RREB1: variants seen among roughly 807,000 people sequenced by gnomAD.
RREB1 encodes ras-responsive element-binding protein 1.
In RREB1, 27 loss-of-function variants were observed where a neutral mutation model predicts 117.8. That is an observed-to-expected ratio of 0.23 (90% confidence interval 0.17 to 0.32). The LOEUF is 0.32. RREB1 is among the 10% of genes least tolerant of loss of function. The pLI is 1.00. For missense variants in RREB1, 2,577 were observed against 2,378.2 expected (o/e 1.08, Z -1.74); for synonymous variants, 1,298 against 1,026.7 (o/e 1.26, Z -5.05).
rs540647920 is a variant in RREB1 at position 7,249,684 on chromosome 6, A to C, written c.*716A>C. 3.3e-5 allele frequency: 5 copies of C among 152,256 alleles called. No homozygotes were observed. In the East Asian group the frequency reaches 7.7e-4, roughly 23 times the overall value. 9.4% of individuals were successfully genotyped at this position (152,256 alleles called of 1,614,324 possible). On this transcript the variant is annotated 3_prime_UTR_variant, in exon 13 of 13. Coordinates refer to ENST00000379938, the MANE Select transcript of RREB1 (RefSeq NM_001003699.4). ...ATGGTCACTGTTCAAGTTTCAAGACATCCATTCTTAACTATAGAGAAGAGT... is the reference window on the plus strand; with the variant it reads ...ATGGTCACTGTTCAAGTTTCAAGACCTCCATTCTTAACTATAGAGAAGAGT...
In RREB1 at chr6:7,230,142, C is replaced by G. The variant is rs1311213263; in HGVS notation, c.2043C>G (p.Ala681=). 6.2e-7 allele frequency: 1 copy of G among 1,604,940 alleles called. No individual in the cohort carries two copies. Among genetic ancestry groups the G allele is most frequent in the Admixed American group, 1.7e-5 (1 of 59,830 alleles). The change falls in exon 10 of 13, where the codon GCC becomes GCG. Residue 681 remains alanine, a synonymous_variant. Transcript: ENST00000379938. ...YQCNICDYIA[A]DKAALIRHLR... The stretch of plus-strand genomic sequence containing the variant: ...GCAACATCTGCGACTACATCGCCGC[C>G]GACAAGGCCGCGCTCATCCGCCACC...
intron 1 of RREB1, among the ~76,000 whole-genome samples, chr6:7,132,301 T>C (rs1055967199): frequency 1.1e-4 from 17 of 152,094 alleles, no homozygotes; most frequent in Non-Finnish European, 1.8e-4. Flanking sequence ...GTGATCTACC[T>C]GCCTCGGCCT....
intron 2 of RREB1, among the ~76,000 whole-genome samples, chr6:7,180,416 G>C (rs1187878009): frequency 6.6e-6 from 1 of 152,212 alleles, no homozygotes; most frequent in African/African-American, 2.4e-5. Flanking sequence ...TGATGAGCTT[G>C]ATCTTCAGCT....
intron 1 of RREB1, among the ~76,000 whole-genome samples, chr6:7,140,380 T>TCTCAAAAA (rs1762513660): frequency 6.6e-6 from 1 of 152,376 alleles, no homozygotes; most frequent in East Asian, 1.9e-4. Flanking sequence ...GATATCCTTT[T>TCTCAAAAA]TCTCAAAGAT....
At chr6:7,137,524 A>AC (rs1381781649) in intron 1 of RREB1, among the ~76,000 whole-genome samples, 1 of 152,222 alleles carries the variant, frequency 6.6e-6, no homozygotes, top group Non-Finnish European at 1.5e-5. Context: ...TGGATGCCAA[A>AC]CACATAGGCA....
At chr6:7,192,707 C>T (rs1765473589) in intron 6 of RREB1, among the ~76,000 whole-genome samples, 1 of 152,178 alleles carries the variant, frequency 6.6e-6, no homozygotes, top group Non-Finnish European at 1.5e-5. Context: ...TCTAGCTAAA[C>T]ATTTGTAAAT....
rs1380830665 is a variant in RREB1 at position 7,231,375 on chromosome 6, A to G, written c.3276A>G (p.Ala1092=). The G allele has an allele frequency of 2.5e-6, 4 of 1,613,376 alleles. No individual in the cohort carries two copies. In the South Asian group the frequency reaches 4.4e-5, roughly 18 times the overall value. The change falls in exon 10 of 13, where the codon GCA becomes GCG. Residue 1092 remains alanine (A), a synonymous_variant. Transcript: ENST00000379938. ...CCAAGGTGGCGGACCCAGGGCCCGC[A>G]AGCACTGGCAGTAACACCACGGCTT... The part of the protein sequence containing the change: ...LKTKVADPGP[A]STGSNTTASD...
At chr6:7,236,887 G>GTTTTTTTTTTTTTT (rs869133214) in intron 10 of RREB1, among the ~76,000 whole-genome samples, 2 of 63,402 alleles carry the variant, frequency 3.2e-5, no homozygotes, top group Non-Finnish European at 5.4e-5. Flanking sequence ...GTTTTTGGAG[G>GTTTTTTTTTTTTTT]TTTTTTTTTT....
At chr6:7,150,181 A>T (rs1374100562) in intron 1 of RREB1, among the ~76,000 whole-genome samples, 1 of 152,140 alleles carries the variant, frequency 6.6e-6, no homozygotes, top group Admixed American at 6.5e-5. Context: ...CAGAGTTGCT[A>T]ATACCTGCTA....
intron 1 of RREB1, among the ~76,000 whole-genome samples, chr6:7,156,876 T>C (rs1353212085): frequency 6.6e-6 from 1 of 152,222 alleles, no homozygotes; most frequent in Non-Finnish European, 1.5e-5. Context: ...GCCACTTGGC[T>C]GCTCCTGTGT....
chr6:7,187,963 C>T (rs977415868), intron 5 of RREB1, among the ~76,000 whole-genome samples: 1 of 151,994 alleles, frequency 6.6e-6, no homozygotes, highest in African/African-American at 2.4e-5. Context: ...GGAGACCAGC[C>T]TGGCCAACAT....
chr6:7,126,151 A>G (rs531335006), intron 1 of RREB1, among the ~76,000 whole-genome samples: 18 of 151,556 alleles, frequency 1.2e-4, no homozygotes, highest in South Asian at 2.1e-4. Flanking sequence ...ACAGGTGCGC[A>G]CCACCACACC....
At chr6:7,179,796 GTTT>G (rs111361161) in intron 2 of RREB1, among the ~76,000 whole-genome samples, 2 of 147,730 alleles carry the variant, frequency 1.4e-5, no homozygotes, top group Non-Finnish European at 3.0e-5. Flanking sequence ...TTGAAACACA[GTTT>G]TTTTTTTTTC....
Position 7,230,788 on chromosome 6 carries a change from A to C in RREB1, c.2689A>C (p.Asn897His). The C allele has an allele frequency of 6.2e-7, 1 of 1,613,704 alleles. No individual in the cohort carries two copies. Among genetic ancestry groups the C allele is most frequent in the South Asian group, 1.1e-5 (1 of 91,054 alleles). Residue 897 changes from asparagine (N) to histidine (H), a missense_variant, in exon 10 of 13, where the codon AAT (asparagine) becomes CAT (histidine). By Grantham distance (68) the Asn-to-His change is moderately conservative. Transcript: ENST00000379938. ...CGCCAGTAGCTTTGCGGTGGACTTC[A>C]ATGAGCCCCTGGACTTCTCGCAGAA... is the stretch of plus-strand genomic sequence containing the variant. The part of the protein sequence containing the change: ...EPASSFAVDF[N>H]EPLDFSQKGL...
At chr6:7,244,228 A>T (rs1768879595) in intron 11 of RREB1, among the ~76,000 whole-genome samples, 1 of 150,320 alleles carries the variant, frequency 6.7e-6, no homozygotes, top group East Asian at 2.0e-4. Flanking sequence ...GCACCACTGC[A>T]CTCCAGCCCG....
chr6:7,148,000 C>T (rs1317766925), intron 1 of RREB1, among the ~76,000 whole-genome samples: 1 of 152,146 alleles, frequency 6.6e-6, no homozygotes, highest in Non-Finnish European at 1.5e-5. Flanking sequence ...AGCTAGCTGA[C>T]TCAAAAGTAG....
chr6:7,230,436 C>G lies in RREB1; in HGVS notation c.2337C>G (p.Gly779=). ...RIHMRTHCGR[G]LGGGHKGRKP... Reference sequence around the variant, plus strand: ...ACATGCGCACGCACTGCGGCCGCGGCCTGGGCGGGGGCCACAAGGGCCGCA... The same window carrying G: ...ACATGCGCACGCACTGCGGCCGCGGGCTGGGCGGGGGCCACAAGGGCCGCA... The change falls in exon 10 of 13, where the codon GGC becomes GGG. Residue 779 remains glycine, a synonymous_variant. Coordinates refer to ENST00000379938, the MANE Select transcript of RREB1 (RefSeq NM_001003699.4). 1 of 1,591,380 alleles carries G rather than the reference C, an allele frequency of 6.3e-7. No homozygotes were observed. The highest frequency in any genetic ancestry group is 8.5e-7 in the Non-Finnish European group (1 of 1,175,010).
rs113566664 is a variant in RREB1, at chr6:7,114,811, C to T, written c.-285+6751C>T. Among the ~76,000 whole-genome samples the T allele has an allele frequency of 6.2e-3, 942 of 152,216 alleles. 8 individuals are homozygous for T. The highest frequency in any genetic ancestry group is 0.017 in the Middle Eastern group (5 of 294). On this transcript the variant is annotated intron_variant, in intron 1 of 12. Transcript: ENST00000379938. ...TGGCATTAAATATATTTGAAAACCC[C>T]GTAGTAAATGAAAATTCTAGAAGTC...
chr6:7,126,033 G>C (rs1208237671), intron 1 of RREB1, among the ~76,000 whole-genome samples: 1 of 151,272 alleles, frequency 6.6e-6, no homozygotes, highest in Non-Finnish European at 1.5e-5. Flanking sequence ...ACGGAGTCTT[G>C]CTCTGTCGCC....
Sources: allele counts gnomAD v4.1 joint callset (sites outside exome capture counted in the v4.1 genomes callset), GRCh38; gene constraint gnomAD v4.1.1; transcripts MANE v1.5; gene names NCBI Gene and HGNC (gene_info 2026-07-23, HGNC 2026-07-21).